CDK19: variants seen among roughly 807,000 people sequenced by gnomAD.
The protein encoded by CDK19 is cyclin-dependent kinase 19.
A neutral mutation model predicts 68.3 loss-of-function variants in CDK19; 20 were observed. That is an observed-to-expected ratio of 0.29 (90% confidence interval 0.21 to 0.43). The LOEUF (loss-of-function observed/expected upper bound fraction) is 0.43. Ranked by LOEUF, CDK19 falls within the 20% of genes least tolerant of loss-of-function variation. The pLI is 1.00. For synonymous variants in CDK19, 221 were observed against 222.8 expected (o/e 0.99, Z 0.07); for missense variants, 339 against 623.5 (o/e 0.54, Z 4.86).
chr6:110,667,984 T>C (rs1782049347), intron 3 of CDK19, among the ~76,000 whole-genome samples: 1 of 152,174 alleles, frequency 6.6e-6, no homozygotes, highest in Admixed American at 6.5e-5. Flanking sequence ...ACTGATCAGG[T>C]GTATATTTGA....
intron 2 of CDK19, among the ~76,000 whole-genome samples, chr6:110,675,475 A>C (rs1771432798): frequency 1.3e-5 from 2 of 152,002 alleles, no homozygotes; most frequent in African/African-American, 4.8e-5. Flanking sequence ...GAAAAATACA[A>C]AACTAGCCGG....
intron 2 of CDK19, among the ~76,000 whole-genome samples, chr6:110,692,186 A>G (rs1199910058): frequency 1.3e-5 from 2 of 151,214 alleles, no homozygotes; most frequent in Non-Finnish European, 3.0e-5. Context: ...CCCAGGTACC[A>G]GTGAGGCTGA....
rs776507542 is a variant in CDK19, at chr6:110,611,299, C to T, written c.*3236G>A. The T allele has an allele frequency of 6.6e-6, 1 of 152,284 alleles. No homozygotes were observed. The highest frequency in any genetic ancestry group is 1.5e-5 in the Non-Finnish European group (1 of 68,060). The allele number at this position is 152,284 out of a possible 1,614,324, so 9.4% of individuals were successfully genotyped here. A position where few individuals can be genotyped will look rare whatever the true frequency, so the allele number is the denominator to read the frequency against. ...TGGATTCATTCCTTCCTGTCAATAA[C>T]CCCTCCTAGTTTGGGTGTTCCCATA... is the stretch of plus-strand genomic sequence containing the variant. On this transcript the variant is annotated 3_prime_UTR_variant, in exon 13 of 13. Transcript: ENST00000368911.
At chr6:110,729,475 C>A (rs1378975413) in intron 2 of CDK19, among the ~76,000 whole-genome samples, 1 of 152,166 alleles carries the variant, frequency 6.6e-6, no homozygotes, top group Non-Finnish European at 1.5e-5. Context: ...GCCAGCCAGG[C>A]TGTAGTGCAG....
chr6:110,760,431 A>G (rs1487825897), intron 1 of CDK19, among the ~76,000 whole-genome samples: 3 of 149,178 alleles, frequency 2.0e-5, no homozygotes, highest in Non-Finnish European at 4.4e-5. Context: ...AGCCTCAACT[A>G]TATTAACTCT....
chr6:110,742,630 C>T (rs1041199143), intron 2 of CDK19, among the ~76,000 whole-genome samples: 2 of 152,086 alleles, frequency 1.3e-5, no homozygotes, highest in Non-Finnish European at 2.9e-5. Flanking sequence ...GAATGCATTC[C>T]TGGGGGGAGG....
At chr6:110,795,821 T>A (rs375583296) in intron 1 of CDK19, among the ~76,000 whole-genome samples, 1 of 152,010 alleles carries the variant, frequency 6.6e-6, no homozygotes, top group African/African-American at 2.4e-5. Flanking sequence ...AGTATAAACA[T>A]CCACTAAAAA....
intron 2 of CDK19, among the ~76,000 whole-genome samples, chr6:110,730,602 T>A (rs1231469341): frequency 6.6e-6 from 1 of 152,188 alleles, no homozygotes; most frequent in Non-Finnish European, 1.5e-5. Flanking sequence ...CTCAACAGAT[T>A]GGAATAATTT....
chr6:110,687,561 C>T (rs1203896237), intron 2 of CDK19, among the ~76,000 whole-genome samples: 6 of 152,284 alleles, frequency 3.9e-5, no homozygotes, highest in African/African-American at 1.4e-4. Flanking sequence ...ACTTCCTTCC[C>T]ACTCTGCTAA....
chr6:110,704,633 G>A (rs1312931876), intron 2 of CDK19, among the ~76,000 whole-genome samples: 1 of 152,266 alleles, frequency 6.6e-6, no homozygotes, highest in Non-Finnish European at 1.5e-5. Context: ...TTGGTAAAGT[G>A]TAAAGTCATT....
intron 2 of CDK19, among the ~76,000 whole-genome samples, chr6:110,727,817 A>AAAAG (rs1554213066): frequency 2.6e-5 from 4 of 151,922 alleles, no homozygotes; most frequent in African/African-American, 7.3e-5. Flanking sequence ...TACTAAAAAA[A>AAAAG]AAAGAAAGAA....
intron 1 of CDK19, among the ~76,000 whole-genome samples, chr6:110,783,453 CATG>C (rs1780964197): frequency 6.6e-6 from 1 of 151,970 alleles, no homozygotes; most frequent in African/African-American, 2.4e-5. Context: ...GCCTGGCCAA[CATG>C]ATGAAACTCC....
chr6:110,684,105 A>G (rs955666255), intron 2 of CDK19, among the ~76,000 whole-genome samples: 6 of 152,100 alleles, frequency 3.9e-5, no homozygotes, highest in Non-Finnish European at 8.8e-5. Flanking sequence ...GAAAAATGAA[A>G]CAGATACAAA....
At chr6:110,700,647 G>A (rs1021368290) in intron 2 of CDK19, 1 of 153,226 alleles carries the variant, frequency 6.5e-6, no homozygotes, top group Non-Finnish European at 1.5e-5. Context: ...GAGAAGGTGT[G>A]TGCTGACTTG....
chr6:110,812,791 TC>T (rs1414327591), intron 1 of CDK19, among the ~76,000 whole-genome samples: 2 of 139,930 alleles, frequency 1.4e-5, no homozygotes, highest in African/African-American at 5.4e-5. Flanking sequence ...ACTATGCAAA[TC>T]TGCCCACTGT....
In CDK19 at chr6:110,614,701, T is replaced by C. The variant is rs762698217; in HGVS notation, c.1378-35A>G. 8.1e-6 allele frequency: 13 copies of C among 1,610,684 alleles called. No homozygotes were observed. The South Asian group carries it at 1.3e-4, about 16-fold the overall frequency. ...GGAAACAGGAAAAGGGAATTACTGA[T>C]GGAGGAAGAGGATGACTCAAGATGC... On this transcript the variant is annotated intron_variant, in intron 12 of 12. Coordinates refer to ENST00000368911, the MANE Select transcript of CDK19 (RefSeq NM_015076.5).
chr6:110,714,722 C>CTTTTTT (rs112875656), intron 2 of CDK19, among the ~76,000 whole-genome samples: 117 of 69,514 alleles, frequency 1.7e-3, no homozygotes, highest in East Asian at 4.2e-3. Context: ...AATGTCTTTT[C>CTTTTTT]TTTTTTTTTT....
chr6:110,694,417 C>T (rs748224034), intron 2 of CDK19, among the ~76,000 whole-genome samples: 5 of 152,112 alleles, frequency 3.3e-5, no homozygotes, highest in Admixed American at 3.3e-4. Flanking sequence ...AAGACAAAGA[C>T]GGACATTATA....
At chr6:110,777,111 A>G (rs1395181654) in intron 1 of CDK19, among the ~76,000 whole-genome samples, 2 of 152,184 alleles carry the variant, frequency 1.3e-5, no homozygotes, top group African/African-American at 4.8e-5. Flanking sequence ...CCAAACAATT[A>G]TATGTGTTCT....
Sources: allele counts gnomAD v4.1 joint callset (sites outside exome capture counted in the v4.1 genomes callset), GRCh38; gene constraint gnomAD v4.1.1; transcripts MANE v1.5; gene names NCBI Gene and HGNC (gene_info 2026-07-23, HGNC 2026-07-21).